TRERF1: variants seen among roughly 807,000 people sequenced by gnomAD.
TRERF1 encodes the protein transcriptional regulating factor 1.
TRERF1 carries 27 observed loss-of-function variants against 122.9 expected under a neutral mutation model. The ratio of observed to expected loss-of-function variants is 0.22; its 90% CI spans 0.16 to 0.30. The LOEUF (loss-of-function observed/expected upper bound fraction) is 0.30, where lower values mean the gene tolerates loss of function less well. Among genes scored for constraint, TRERF1 ranks in the 10% least tolerant of loss-of-function variants. TRERF1 has a pLI of 1.00. For missense variants in TRERF1, 1,248 were observed against 1,560.3 expected (o/e 0.80, Z 3.37); for synonymous variants, 636 against 641.7 (o/e 0.99, Z 0.13).
intron 8 of TRERF1, among the ~76,000 whole-genome samples, chr6:42,261,089 C>T (rs1036055159): frequency 6.6e-6 from 1 of 152,046 alleles, no homozygotes; most frequent in East Asian, 1.9e-4. Context: ...CGCGCTCAAC[C>T]GCCTCTTTTC....
At chr6:42,234,483 G>A (rs931522830) in intron 16 of TRERF1, among the ~76,000 whole-genome samples, 50 of 151,992 alleles carry the variant, frequency 3.3e-4, no homozygotes, top group Non-Finnish European at 1.5e-4. Flanking sequence ...GACTACAGGC[G>A]CGCACCACCA....
rs549736773 is a variant in TRERF1, at chr6:42,230,020, G to A, written c.3279-1351C>T. Reference sequence around the variant, plus strand: ...TATCTGGACCTTTTTCAGAAGAAGCGTGCCCAGGTGTGAGACTGTTTATGG... The same window carrying A: ...TATCTGGACCTTTTTCAGAAGAAGCATGCCCAGGTGTGAGACTGTTTATGG... On this transcript the variant is annotated intron_variant, in intron 17 of 17. Transcript: ENST00000372922. Among the ~76,000 whole-genome samples the A allele has an allele frequency of 3.9e-5, 6 of 152,210 alleles. No individual in the cohort carries two copies. In the East Asian group the frequency reaches 1.2e-3, roughly 29 times the overall value.
At chr6:42,433,949 T>A (rs1382666608) in intron 2 of TRERF1, among the ~76,000 whole-genome samples, 1 of 152,066 alleles carries the variant, frequency 6.6e-6, no homozygotes, top group Non-Finnish European at 1.5e-5. Context: ...CTTGGGCCCA[T>A]GAGTTTGAGG....
At chr6:42,418,930 A>G (rs1398844343) in intron 2 of TRERF1, among the ~76,000 whole-genome samples, 1 of 152,186 alleles carries the variant, frequency 6.6e-6, no homozygotes, top group Non-Finnish European at 1.5e-5. Context: ...ATCAAGTCAT[A>G]AAGCCTTAAA....
At chr6:42,294,696 C>T (rs193212249) in intron 4 of TRERF1, among the ~76,000 whole-genome samples, 1 of 152,212 alleles carries the variant, frequency 6.6e-6, no homozygotes, top group African/African-American at 2.4e-5. Flanking sequence ...TCTCTATACC[C>T]GCAATAACCC....
Position 42,248,756 on chromosome 6 carries a change from G to A in TRERF1, c.2657-2212C>T, listed in dbSNP as rs534569605. ...TCCAGAGGGCTGGACAGCTCTGACC[G>A]TGCAGACCACAGTAACACGGAGCCT... On this transcript the variant is annotated intron_variant, in intron 13 of 17. Coordinates refer to ENST00000372922, the Ensembl canonical transcript of TRERF1. 3.9e-5 allele frequency among the ~76,000 whole-genome samples: 6 copies of A among 152,290 alleles called. No individual in the cohort carries two copies. The South Asian group carries it at 6.2e-4, about 16-fold the overall frequency.
chr6:42,392,064 CTCA>C lies in TRERF1; in HGVS notation c.-453-28988_-453-28986del, dbSNP rs150842339. ...CCCATGACTGATTTTCTTCGCAGACCTCATCGACACCTGACATTGTAGTAGATG... is the reference window on the plus strand; with the variant it reads ...CCCATGACTGATTTTCTTCGCAGACCTCGACACCTGACATTGTAGTAGATG... On this transcript the variant is annotated intron_variant, in intron 2 of 17. Transcript: ENST00000372922. 7.3e-3 allele frequency among the ~76,000 whole-genome samples: 1,111 copies of C among 152,222 alleles called. 28 individuals carry two copies. The East Asian group carries it at 0.099, about 14-fold the overall frequency.
chr6:42,364,626 C>T (rs1201860432), intron 2 of TRERF1, among the ~76,000 whole-genome samples: 2 of 152,210 alleles, frequency 1.3e-5, no homozygotes, highest in African/African-American at 4.8e-5. Context: ...ACTGAAGTGT[C>T]CGTTGTGTGT....
chr6:42,384,397 T>A (rs1358145689), intron 2 of TRERF1, among the ~76,000 whole-genome samples: 1 of 152,216 alleles, frequency 6.6e-6, no homozygotes, highest in African/African-American at 2.4e-5. Flanking sequence ...AGCCACAGAA[T>A]AACATGAATA....
chr6:42,278,557 G>A (rs562617296), intron 4 of TRERF1, among the ~76,000 whole-genome samples: 35 of 152,174 alleles, frequency 2.3e-4, no homozygotes, highest in Non-Finnish European at 1.5e-4. Context: ...AACAGGCTCT[G>A]AGTGGGGCAT....
At chr6:42,324,985 ATG>A (rs1333976275) in intron 3 of TRERF1, among the ~76,000 whole-genome samples, 2 of 152,202 alleles carry the variant, frequency 1.3e-5, no homozygotes. Context: ...ATGGGAGAAA[ATG>A]TTTGCAAACT....
At chr6:42,238,462 G>C (rs964437896) in intron 15 of TRERF1, among the ~76,000 whole-genome samples, 3 of 152,192 alleles carry the variant, frequency 2.0e-5, no homozygotes, top group Non-Finnish European at 4.4e-5. Flanking sequence ...AAGTGACTAA[G>C]AGATACAAAA....
At chr6:42,388,448 G>C (rs1327315096) in intron 2 of TRERF1, among the ~76,000 whole-genome samples, 4 of 152,104 alleles carry the variant, frequency 2.6e-5, no homozygotes, top group Admixed American at 6.6e-5. Flanking sequence ...AGTCCGCACA[G>C]TTGCCGCCAA....
intron 4 of TRERF1, among the ~76,000 whole-genome samples, chr6:42,281,996 A>C (rs1178743425): frequency 6.6e-6 from 1 of 152,194 alleles, no homozygotes; most frequent in Non-Finnish European, 1.5e-5. Context: ...TTTCTTTAGG[A>C]TACATACCCA....
chr6:42,305,735 A>G (rs1268329059), intron 3 of TRERF1, among the ~76,000 whole-genome samples: 1 of 152,106 alleles, frequency 6.6e-6, no homozygotes, highest in African/African-American at 2.4e-5. Flanking sequence ...TAAAAAGAAG[A>G]AAAAGGAACA....
At chr6:42,408,267 A>ATGTATATATACATAATCATGTGTG in intron 2 of TRERF1, among the ~76,000 whole-genome samples, 1 of 123,368 alleles carries the variant, frequency 8.1e-6, no homozygotes, top group South Asian at 2.6e-4. Context: ...ATGTGTGTGT[A>ATGTATATATACATAATCATGTGTG]TGTATATATA....
intron 3 of TRERF1, among the ~76,000 whole-genome samples, chr6:42,340,736 G>A (rs1003003380): frequency 1.3e-5 from 2 of 152,128 alleles, no homozygotes; most frequent in African/African-American, 4.8e-5. Context: ...GAGTAGCTGC[G>A]ACTACAGACG....
chr6:42,355,899 C>G (rs1255462979), intron 3 of TRERF1, among the ~76,000 whole-genome samples: 1 of 152,192 alleles, frequency 6.6e-6, no homozygotes, highest in Non-Finnish European at 1.5e-5. Context: ...TTTTAAGAGG[C>G]ACATGAAGGT....
intron 2 of TRERF1, among the ~76,000 whole-genome samples, chr6:42,441,751 CG>C (rs1381227732): frequency 1.3e-5 from 2 of 152,030 alleles, no homozygotes; most frequent in Non-Finnish European, 2.9e-5. Context: ...TGCTAGAGGC[CG>C]GGGGGTACAG....
Sources: gnomAD v4.1 joint callset for allele counts (sites outside exome capture counted in the v4.1 genomes callset) on GRCh38, gnomAD v4.1.1 for gene constraint, MANE v1.5 for transcripts, NCBI Gene and HGNC (gene_info 2026-07-23, HGNC 2026-07-21) for gene names.